The following NECAB1 variants were observed in gnomAD, a reference collection of about 807,000 sequenced individuals.
The protein encoded by NECAB1 is N-terminal EF-hand calcium binding protein 1.
NECAB1 carries 29 observed loss-of-function variants against 57.5 expected under a neutral mutation model. That is an observed-to-expected ratio of 0.50 (90% CI 0.38 to 0.69). NECAB1 has a LOEUF of 0.69. NECAB1 is among the 30% of genes least tolerant of loss of function. The probability of loss-of-function intolerance (pLI) is 0.00; values close to 1 mark genes in which losing one functional copy is unlikely to be tolerated. For missense variants in NECAB1, 372 were observed against 413.8 expected (o/e 0.90, Z 0.88); for synonymous variants, 142 against 147.7 (o/e 0.96, Z 0.28).
At chr8:90,917,124 G>C (rs1809971640) in intron 5 of NECAB1, among the ~76,000 whole-genome samples, 1 of 152,140 alleles carries the variant, frequency 6.6e-6, no homozygotes, top group Non-Finnish European at 1.5e-5. Context: ...ACATTCAAAT[G>C]AGACATAGAA....
At chr8:90,839,489 A>C (rs1314179315) in intron 3 of NECAB1, among the ~76,000 whole-genome samples, 1 of 152,232 alleles carries the variant, frequency 6.6e-6, no homozygotes, top group Non-Finnish European at 1.5e-5. Flanking sequence ...GTAGACAAGC[A>C]ATAACTTGAT....
intron 2 of NECAB1, among the ~76,000 whole-genome samples, chr8:90,816,806 T>C (rs1440696239): frequency 6.6e-6 from 1 of 151,734 alleles, no homozygotes; most frequent in East Asian, 1.9e-4. Context: ...GTGTTTCCTA[T>C]TCTAGGTCTT....
Position 90,928,249 on chromosome 8 carries a change from A to G in NECAB1, c.643A>G (p.Met215Val). Residue 215 changes from methionine (M) to valine (V), a missense_variant, in exon 8 of 13, where the codon ATG (methionine) becomes GTG (valine). Transcript: ENST00000417640. ...PGLLEEDNQWMTQINRLQKLI... is the reference protein window; with the variant it reads ...PGLLEEDNQWVTQINRLQKLI... ...CTTATTAGAAGAAGACAACCAGTGG[A>G]TGACCCAGATAAATAGACTCCAGAA... is the stretch of plus-strand genomic sequence containing the variant. 6.2e-7 allele frequency: 1 copy of G among 1,610,526 alleles called. No individual in the cohort carries two copies. The highest frequency in any genetic ancestry group is 8.5e-7 in the Non-Finnish European group (1 of 1,178,370).
intron 3 of NECAB1, among the ~76,000 whole-genome samples, chr8:90,826,001 C>T (rs1812217629): frequency 6.6e-6 from 1 of 151,770 alleles, no homozygotes; most frequent in South Asian, 2.1e-4. Flanking sequence ...GTACAGGACA[C>T]TTTTGGACCA....
rs1437509320 is a variant in NECAB1, at chr8:90,912,979, CT to C, written c.358-4511del. 2.6e-5 allele frequency among the ~76,000 whole-genome samples: 4 copies of C among 152,246 alleles called. No homozygotes were observed. The South Asian group carries it at 8.3e-4, about 32-fold the overall frequency. ...CAAAAGACAGTCAGAAGCAGTGCCC[CT>C]TGCTAAATGTGATTGTTATCTGACC... On this transcript the variant is annotated intron_variant, in intron 5 of 12. Transcript: ENST00000417640.
chr8:90,878,624 C>T (rs1204428327), intron 4 of NECAB1, among the ~76,000 whole-genome samples: 1 of 152,120 alleles, frequency 6.6e-6, no homozygotes, highest in Non-Finnish European at 1.5e-5. Context: ...TCTTCCTTCT[C>T]AGTCATTTTC....
intron 3 of NECAB1, among the ~76,000 whole-genome samples, chr8:90,857,730 C>A (rs1812819677): frequency 6.6e-6 from 1 of 151,998 alleles, no homozygotes; most frequent in Non-Finnish European, 1.5e-5. Flanking sequence ...TATATTATCC[C>A]AGATATTCAA....
intron 2 of NECAB1, among the ~76,000 whole-genome samples, chr8:90,804,887 A>G: frequency 6.6e-6 from 1 of 152,212 alleles, no homozygotes; most frequent in Non-Finnish European, 1.5e-5. Context: ...GTAATTATGA[A>G]TAATAAATGA....
chr8:90,922,728 G>A (rs1810153951), intron 6 of NECAB1, among the ~76,000 whole-genome samples: 1 of 151,926 alleles, frequency 6.6e-6, no homozygotes, highest in African/African-American at 2.4e-5. Flanking sequence ...CCTGACCTCA[G>A]GTGATCCACC....
chr8:90,931,100 G>C (rs1219663773), intron 8 of NECAB1, among the ~76,000 whole-genome samples: 1 of 151,690 alleles, frequency 6.6e-6, no homozygotes, highest in African/African-American at 2.4e-5. Flanking sequence ...CTATAAAAGG[G>C]TTTCATTTTG....
rs1811068436 is a variant in NECAB1 at position 90,958,281 on chromosome 8, C to T, written c.*2769C>T. On this transcript the variant is annotated 3_prime_UTR_variant, in exon 13 of 13. Transcript: ENST00000417640. ...TTTGGAAATAAAAATATCAGTTTTA[C>T]TTTGAAATTGCTCAACTTCTGCTAT... 6.6e-6 allele frequency: 1 copy of T among 151,544 alleles called. No individual in the cohort carries two copies. 9.4% of individuals were successfully genotyped at this position (151,544 alleles called of 1,614,324 possible).
Position 90,791,903 on chromosome 8 carries a change from A to T in NECAB1, c.17A>T (p.Glu6Val). The change falls in exon 1 of 13, where the codon GAG becomes GTG. Residue 6 changes from glutamate to valine, a missense_variant. By Grantham distance (121) the Glu-to-Val change is moderately radical. Transcript: ENST00000417640. MEDSQETSPSSNNSSE... is the reference protein window; with the variant it reads MEDSQVTSPSSNNSSE... ...CTCCCGAGGATGGAAGATTCCCAGG[A>T]GACATCGCCGTCCTCCAACAACTCC... 3.9e-6 allele frequency: 6 copies of T among 1,551,618 alleles called. No homozygotes were observed. In the Middle Eastern group the frequency reaches 5.1e-4, roughly 131 times the overall value.
chr8:90,936,828 G>A (rs900495707), intron 9 of NECAB1, among the ~76,000 whole-genome samples: 2 of 151,860 alleles, frequency 1.3e-5, no homozygotes, highest in Non-Finnish European at 1.5e-5. Flanking sequence ...TCAGCCCAGA[G>A]TAAGAGATGT....
At chr8:90,815,792 C>T (rs1271431014) in intron 2 of NECAB1, among the ~76,000 whole-genome samples, 11 of 151,920 alleles carry the variant, frequency 7.2e-5, no homozygotes, top group Non-Finnish European at 1.5e-4. Flanking sequence ...ATCCATGCGT[C>T]TACTTCAGTT....
rs895478039 is a variant in NECAB1 at position 90,940,809 on chromosome 8, G to A, written c.771G>A (p.Gln257=). ...AGCACATCATGCTTGTGCAGCGGCA[G>A]ATGTCTGTGATAGAAGAGGACCTGG... ...TKSHIMLVQR[Q]MSVIEEDLEE... The change falls in exon 10 of 13, where the codon CAG becomes CAA. Residue 257 remains glutamine, a synonymous_variant. Transcript: ENST00000417640. 6.4e-6 allele frequency: 10 copies of A among 1,562,398 alleles called. No homozygotes were observed. Among genetic ancestry groups the A allele is most frequent in the Non-Finnish European group, 6.9e-6 (8 of 1,152,910 alleles).
chr8:90,848,469 C>G (rs7815288), intron 3 of NECAB1, among the ~76,000 whole-genome samples: 1 of 152,078 alleles, frequency 6.6e-6, no homozygotes, highest in Non-Finnish European at 1.5e-5. Flanking sequence ...ACAGCAGCAC[C>G]CCACTACTGG....
At chr8:90,834,287 A>C (rs191813949) in intron 3 of NECAB1, among the ~76,000 whole-genome samples, 2 of 152,268 alleles carry the variant, frequency 1.3e-5, no homozygotes, top group South Asian at 2.1e-4. Flanking sequence ...TTTTTAAGGA[A>C]AATATTTCCC....
At chr8:90,928,729 A>G (rs1200375211) in intron 8 of NECAB1, among the ~76,000 whole-genome samples, 1 of 152,212 alleles carries the variant, frequency 6.6e-6, no homozygotes, top group Non-Finnish European at 1.5e-5. Flanking sequence ...TGGCAGTGCT[A>G]TCTACTAAAA....
intron 4 of NECAB1, among the ~76,000 whole-genome samples, chr8:90,875,583 C>G (rs1168004646): frequency 6.7e-6 from 1 of 149,868 alleles, no homozygotes; most frequent in Non-Finnish European, 1.5e-5. Context: ...GATCTGAAAG[C>G]CTTTCTGTAA....
Sources: allele counts gnomAD v4.1 joint callset (sites outside exome capture counted in the v4.1 genomes callset), GRCh38; gene constraint gnomAD v4.1.1; transcripts MANE v1.5; gene names NCBI Gene and HGNC (gene_info 2026-07-23, HGNC 2026-07-21).